CNTNAP2: variants seen among roughly 807,000 people sequenced by gnomAD.
The protein encoded by CNTNAP2 is contactin associated protein 2.
Under a neutral mutation model 155.2 loss-of-function variants are expected in CNTNAP2, and 98 were observed. That is an observed-to-expected ratio of 0.63 (90% CI 0.54 to 0.75). The LOEUF (loss-of-function observed/expected upper bound fraction) is 0.75, where lower values mean the gene tolerates loss of function less well. Ranked by LOEUF, CNTNAP2 falls within the 30% of genes least tolerant of loss-of-function variation. The pLI is 0.00. For synonymous variants in CNTNAP2, 651 were observed against 631.2 expected, an observed-to-expected ratio of 1.03 and a Z score of -0.47; for missense variants, 1,727 against 1,688.1, an observed-to-expected ratio of 1.02 and a Z score of -0.40.
intron 13 of CNTNAP2, among the ~76,000 whole-genome samples, chr7:147,810,950 C>G (rs890696516): frequency 3.9e-5 from 6 of 152,160 alleles, no homozygotes; most frequent in African/African-American, 1.4e-4. Flanking sequence ...TCAGACTAGG[C>G]TGGGAATCCT....
At chr7:147,268,611 T>A (rs1044423081) in intron 8 of CNTNAP2, among the ~76,000 whole-genome samples, 4 of 152,188 alleles carry the variant, frequency 2.6e-5, no homozygotes, top group African/African-American at 9.6e-5. Context: ...TATACCTATG[T>A]AACAAAGCTG....
At chr7:147,862,642 TACAC>T (rs1799156005) in intron 13 of CNTNAP2, among the ~76,000 whole-genome samples, 1 of 151,890 alleles carries the variant, frequency 6.6e-6, no homozygotes, top group Non-Finnish European at 1.5e-5. Flanking sequence ...TATACATATA[TACAC>T]ACACACACAT....
chr7:147,593,413 T>A (rs888791571), intron 12 of CNTNAP2, among the ~76,000 whole-genome samples: 1 of 151,800 alleles, frequency 6.6e-6, no homozygotes, highest in Non-Finnish European at 1.5e-5. Context: ...ATGAATTGGA[T>A]GATAAGTGAC....
At chr7:146,215,808 G>C (rs999845237) in intron 1 of CNTNAP2, among the ~76,000 whole-genome samples, 2 of 152,150 alleles carry the variant, frequency 1.3e-5, no homozygotes, top group African/African-American at 2.4e-5. Context: ...GGCCAGAGGG[G>C]TTTGTGTGAG....
intron 13 of CNTNAP2, among the ~76,000 whole-genome samples, chr7:147,829,314 G>A (rs17227380): frequency 0.038 from 5,732 of 152,200 alleles, 170 homozygotes; most frequent in Middle Eastern, 0.061. Flanking sequence ...TTTCAGTTTG[G>A]TGAAAGAAAA....
chr7:146,967,051 C>T (rs1797672433), intron 3 of CNTNAP2, among the ~76,000 whole-genome samples: 1 of 152,132 alleles, frequency 6.6e-6, no homozygotes, highest in African/African-American at 2.4e-5. Flanking sequence ...GGGGAAAAAT[C>T]TATTGATCAC....
rs113406995 is a variant in CNTNAP2, at chr7:146,768,616, C to T, written c.98-5655C>T. Among the ~76,000 whole-genome samples the T allele has an allele frequency of 5.8e-3, 878 of 151,938 alleles. 5 individuals carry two copies. The highest frequency in any genetic ancestry group is 0.02 in the African/African-American group (826 of 41,486). On this transcript the variant is annotated intron_variant, in intron 1 of 23. Transcript: ENST00000361727. ...TCAAAAGGCAGAAGTTGAATGTACA[C>T]GTAAGACCACAGAGTGATGTGTTCA... is the stretch of plus-strand genomic sequence containing the variant.
At chr7:147,135,368 C>CA (rs1801457459) in intron 8 of CNTNAP2, among the ~76,000 whole-genome samples, 1 of 151,668 alleles carries the variant, frequency 6.6e-6, no homozygotes, top group African/African-American at 2.4e-5. Flanking sequence ...AACAAACAAA[C>CA]AACAACAACA....
At position 148,147,628 on chromosome 7, in the gene CNTNAP2, G is replaced by T; in HGVS notation, c.2692G>T (p.Val898Leu). The change falls in exon 17 of 24, where the codon GTG becomes TTG. Residue 898 changes from valine (V) to leucine (L), a missense_variant. Transcript: ENST00000361727. ...GAATGTCAAGCAGGCCAGCCTACAG[G>T]TGGACCGGCTACCGCAGCAGATCCG... ...ERNVKQASLQ[V>L]DRLPQQIRKA... 2 of 1,614,110 alleles carry T rather than the reference G, an allele frequency of 1.2e-6. No individual in the cohort carries two copies. The highest frequency in any genetic ancestry group is 1.1e-5 in the South Asian group (1 of 91,080).
chr7:147,389,515 A>T (rs1165936352), intron 9 of CNTNAP2, among the ~76,000 whole-genome samples: 1 of 152,214 alleles, frequency 6.6e-6, no homozygotes, highest in Non-Finnish European at 1.5e-5. Flanking sequence ...TGTATTTCTG[A>T]ATTAAAATTT....
chr7:148,118,419 G>C, intron 16 of CNTNAP2, 131 bp downstream of exon 16: 2 of 1,009,892 alleles, frequency 2.0e-6, no homozygotes, highest in Non-Finnish European at 3.0e-6. Context: ...AGGACTAGAG[G>C]TGGACACACA....
intron 13 of CNTNAP2, among the ~76,000 whole-genome samples, chr7:147,874,022 TG>T (rs757235483): frequency 1.3e-5 from 2 of 152,208 alleles, no homozygotes; most frequent in Non-Finnish European, 2.9e-5. Context: ...TGCCAAAGGT[TG>T]GCTCACACAG....
chr7:147,131,044 A>ACATATATATGTG (rs1554441743), intron 7 of CNTNAP2, among the ~76,000 whole-genome samples: 7 of 143,840 alleles, frequency 4.9e-5, no homozygotes, highest in South Asian at 2.2e-4. Flanking sequence ...ATATATACAC[A>ACATATATATGTG]TATATATATG....
At chr7:147,441,853 C>CCTCCT (rs1797645391) in intron 10 of CNTNAP2, among the ~76,000 whole-genome samples, 5 of 108,350 alleles carry the variant, frequency 4.6e-5, no homozygotes, top group East Asian at 2.7e-4. Context: ...CTCTCTCTCC[C>CCTCCT]TCCCTCCCTC....
intron 13 of CNTNAP2, among the ~76,000 whole-genome samples, chr7:147,861,408 T>C (rs1799130573): frequency 6.6e-6 from 1 of 152,132 alleles, no homozygotes; most frequent in African/African-American, 2.4e-5. Flanking sequence ...TATGCATAAA[T>C]AAATGCAAAA....
chr7:146,510,101 T>G (rs1370048713), intron 1 of CNTNAP2, among the ~76,000 whole-genome samples: 1 of 152,088 alleles, frequency 6.6e-6, no homozygotes, highest in Non-Finnish European at 1.5e-5. Flanking sequence ...GGTGAACAGG[T>G]GGCAGGCAGC....
intron 9 of CNTNAP2, among the ~76,000 whole-genome samples, chr7:147,306,054 A>G (rs1316890748): frequency 6.6e-6 from 1 of 151,974 alleles, no homozygotes; most frequent in African/African-American, 2.4e-5. Flanking sequence ...AATCATTATC[A>G]CCTCATCTTA....
intron 3 of CNTNAP2, among the ~76,000 whole-genome samples, chr7:146,878,246 A>C (rs576833316): frequency 2.6e-5 from 4 of 151,968 alleles, no homozygotes; most frequent in Admixed American, 1.3e-4. Context: ...ACATTAATTG[A>C]CTTCTTGTCC....
intron 14 of CNTNAP2, among the ~76,000 whole-genome samples, chr7:147,924,210 G>A (rs933586423): frequency 6.8e-6 from 1 of 146,858 alleles, no homozygotes; most frequent in Non-Finnish European, 1.5e-5. Context: ...CACGATCGCA[G>A]CTCACCCAAC....
Sources: gnomAD v4.1 joint callset for allele counts (sites outside exome capture counted in the v4.1 genomes callset) on GRCh38, gnomAD v4.1.1 for gene constraint, MANE v1.5 for transcripts, NCBI Gene and HGNC (gene_info 2026-07-23, HGNC 2026-07-21) for gene names.